Variants in C2CD5 observed in about 807,000 individuals in gnomAD.
C2CD5 encodes the protein C2 domain-containing protein 5.
A neutral mutation model predicts 130.3 loss-of-function variants in C2CD5; 109 were observed. That is an observed-to-expected ratio of 0.84 (90% CI 0.72 to 0.98). C2CD5 has a LOEUF of 0.98. Among genes scored for constraint, C2CD5 ranks in the 50% least tolerant of loss-of-function variants. C2CD5 has a pLI of 0.00. For missense variants in C2CD5, 996 were observed against 1,261.8 expected, an observed-to-expected ratio of 0.79 and a Z score of 3.19; for synonymous variants, 454 against 429.2, an observed-to-expected ratio of 1.06 and a Z score of -0.71.
At chr12:22,505,575 C>T (rs1185146265) in intron 10 of C2CD5, among the ~76,000 whole-genome samples, 1 of 152,038 alleles carries the variant, frequency 6.6e-6, no homozygotes, top group Non-Finnish European at 1.5e-5. Context: ...AATAAGAATA[C>T]TAATATAACT....
In C2CD5 at chr12:22,472,827, CTATTT is replaced by C. The variant is rs1943244717; in HGVS notation, c.2044-25_2044-21del. The C allele has an allele frequency of 7.4e-7, 1 of 1,350,560 alleles. No individual in the cohort carries two copies. The highest frequency in any genetic ancestry group is 1.7e-5 in the Admixed American group (1 of 59,468). The allele number at this position is 1,350,560 out of a possible 1,614,324, so 83.7% of individuals were successfully genotyped here. ...ATCAATCTTAAAATAGAGATTAAAA[CTATTT>C]TATAAGTAGTAAATGCATAATTATT... On this transcript the variant is annotated intron_variant, in intron 16 of 26. Transcript: ENST00000446597.
intron 20 of C2CD5, 134 bp from the exon 21 acceptor site, chr12:22,471,045 G>A (rs1026078024): frequency 1.1e-5 from 7 of 621,142 alleles, no homozygotes; most frequent in Non-Finnish European, 2.0e-5. Context: ...CCAGAATTAT[G>A]TATAAATTCA....
chr12:22,460,075 G>C (rs1940800043), intron 22 of C2CD5, among the ~76,000 whole-genome samples: 1 of 152,124 alleles, frequency 6.6e-6, no homozygotes, highest in South Asian at 2.1e-4. Flanking sequence ...CCCTCTGGTG[G>C]TATCAAGACT....
At chr12:22,503,737 CCT>C (rs1411934172) in intron 10 of C2CD5, among the ~76,000 whole-genome samples, 10 of 152,104 alleles carry the variant, frequency 6.6e-5, no homozygotes, top group African/African-American at 2.4e-4. Context: ...GTCTCAAACC[CCT>C]GAGCTCATGC....
At chr12:22,541,809 A>C (rs928997963) in intron 2 of C2CD5, among the ~76,000 whole-genome samples, 3 of 152,088 alleles carry the variant, frequency 2.0e-5, no homozygotes, top group Admixed American at 1.3e-4. Flanking sequence ...TTAATAATTT[A>C]TTTACCTTTT....
chr12:22,472,815 T>C lies in C2CD5; in HGVS notation c.2044-8A>G, dbSNP rs374251200. 2.6e-5 allele frequency: 39 copies of C among 1,473,094 alleles called. No homozygotes were observed. Among genetic ancestry groups the C allele is most frequent in the Admixed American group, 3.3e-5 (2 of 59,716 alleles). 91.3% of individuals were successfully genotyped at this position (1,473,094 alleles called of 1,614,324 possible). On this transcript the variant is annotated splice_region_variant and splice_polypyrimidine_tract_variant and intron_variant, in intron 16 of 26. Coordinates refer to ENST00000446597, the MANE Select transcript of C2CD5 (RefSeq NM_001286176.2). ...GGCATCTGTGTCATCAATCTTAAAA[T>C]AGAGATTAAAACTATTTTATAAGTA...
intron 11 of C2CD5, 21 bp from the exon 12 acceptor site, chr12:22,490,239 A>T: frequency 6.6e-7 from 1 of 1,525,746 alleles, no homozygotes; most frequent in Non-Finnish European, 9.1e-7. Context: ...AAAAACACAA[A>T]CAAGTTAACA....
chr12:22,450,689 C>G (rs1938392178), intron 26 of C2CD5, among the ~76,000 whole-genome samples: 1 of 152,048 alleles, frequency 6.6e-6, no homozygotes, highest in South Asian at 2.1e-4. Context: ...TTTGACCTAG[C>G]AATTCTGTTT....
rs537702824 is a variant in C2CD5 at position 22,496,530 on chromosome 12, A to G, written c.1148-3193T>C. 3.9e-4 allele frequency among the ~76,000 whole-genome samples: 60 copies of G among 152,054 alleles called. No individual in the cohort carries two copies. In the South Asian group the frequency reaches 0.012, roughly 32 times the overall value. On this transcript the variant is annotated intron_variant, in intron 10 of 26. Coordinates refer to ENST00000446597, the MANE Select transcript of C2CD5 (RefSeq NM_001286176.2). The stretch of plus-strand genomic sequence containing the variant: ...TGTGAGGTCATTTAATAAACATTAA[A>G]TAAACATTTCAAAGATGTTAAGAAA...
At chr12:22,506,183 AGG>A (rs1948512451) in intron 10 of C2CD5, among the ~76,000 whole-genome samples, 3 of 152,102 alleles carry the variant, frequency 2.0e-5, no homozygotes, top group Admixed American at 2.0e-4. Flanking sequence ...GTGTTTACAT[AGG>A]TCTTGTTGTG....
intron 9 of C2CD5, chr12:22,512,720 G>A: frequency 4.3e-6 from 6 of 1,399,126 alleles, no homozygotes; most frequent in Non-Finnish European, 4.8e-6. Flanking sequence ...AAGAGAGAGA[G>A]AGAAATCATC....
At chr12:22,477,599 C>G (rs1300798265) in intron 15 of C2CD5, among the ~76,000 whole-genome samples, 1 of 151,996 alleles carries the variant, frequency 6.6e-6, no homozygotes, top group African/African-American at 2.4e-5. Context: ...GAATGTTATA[C>G]TTTCCTTTTG....
chr12:22,517,542 G>A (rs1220906953), intron 8 of C2CD5, among the ~76,000 whole-genome samples: 1 of 151,986 alleles, frequency 6.6e-6, no homozygotes, highest in Non-Finnish European at 1.5e-5. Context: ...ATAGATAGAT[G>A]TACTCTAATA....
chr12:22,514,440 C>G lies in C2CD5; in HGVS notation c.953-1061G>C, dbSNP rs540490091. 8.8e-4 allele frequency among the ~76,000 whole-genome samples: 134 copies of G among 151,828 alleles called. 1 individual carries two copies. The highest frequency in any genetic ancestry group is 3.2e-3 in the African/African-American group (133 of 41,382). On this transcript the variant is annotated intron_variant, in intron 8 of 26. Transcript: ENST00000446597. ...TAGAAATGAAACTAAGATCTTTATA[C>G]GAAGCATATTAAAAGCCAGAAAATA...
chr12:22,496,228 A>G (rs551394101), intron 10 of C2CD5, among the ~76,000 whole-genome samples: 4 of 152,270 alleles, frequency 2.6e-5, no homozygotes, highest in Non-Finnish European at 4.4e-5. Context: ...CTATCCTATT[A>G]CCAATAAAAA....
rs181532947 is a variant in C2CD5 at position 22,517,996 on chromosome 12, T to G, written c.942A>C (p.Thr314=). Residue 314 remains threonine (T), a synonymous_variant, in exon 8 of 27, where the codon ACA becomes ACC. Coordinates refer to ENST00000446597, the MANE Select transcript of C2CD5 (RefSeq NM_001286176.2). Reference sequence around the variant, plus strand: ...GTGGAAGCGCCTTACCAGTTTTGGGTGTCAAACTCAAATCTGTGTCAGAAG... The same window carrying G: ...GTGGAAGCGCCTTACCAGTTTTGGGGGTCAAACTCAAATCTGTGTCAGAAG... ...SSSSDTDLSL[T]PKTGMGSGSA... 1.8e-4 allele frequency: 294 copies of G among 1,612,780 alleles called. No homozygotes were observed. The highest frequency in any genetic ancestry group is 2.8e-4 in the Admixed American group (17 of 59,828).
chr12:22,474,812 C>G lies in C2CD5; in HGVS notation c.1982G>C (p.Ser661Thr). The stretch of plus-strand genomic sequence containing the variant: ...GTCTAATTCTGTAACTTCATCCGAG[C>G]TTTCTGATTGAGATCTTAGAAGTCT... ...RSRLLRSQSE[S>T]SDEVTELDLS... The change falls in exon 16 of 27, where the codon AGC (serine) becomes ACC (threonine). Residue 661 changes from serine (S) to threonine (T), a missense_variant. Physicochemically the swap from Ser to Thr is moderately conservative, Grantham distance 58 (BLOSUM62 1). Transcript: ENST00000446597. 1 of 1,610,454 alleles carries G rather than the reference C, an allele frequency of 6.2e-7. No individual in the cohort carries two copies. Among genetic ancestry groups the G allele is most frequent in the Non-Finnish European group, 8.5e-7 (1 of 1,177,898 alleles).
At position 22,525,675 on chromosome 12, in the gene C2CD5, T is replaced by C; in HGVS notation, c.380A>G (p.Lys127Arg). Residue 127 changes from lysine to arginine, a missense_variant, in exon 5 of 27, where the codon AAA (lysine) becomes AGA (arginine). Around this residue, in one of 9 missense-constraint regions of C2CD5, gnomAD observed 49 missense variants for 52.0 expected, o/e 0.94. Coordinates refer to ENST00000446597, the MANE Select transcript of C2CD5 (RefSeq NM_001286176.2). The stretch of plus-strand genomic sequence containing the variant: ...ATTTAAATCATTGAAGAGGTCTACT[T>C]TGACAACTACATTGATTTCCCCACG... ...GIRGEINVVV[K>R]VDLFNDLNRF... 6.3e-7 allele frequency: 1 copy of C among 1,583,736 alleles called. No individual in the cohort carries two copies. Among genetic ancestry groups the C allele is most frequent in the Non-Finnish European group, 8.7e-7 (1 of 1,152,810 alleles).
Position 22,449,703 on chromosome 12 carries a change from CAAAAT to C in C2CD5, c.*52_*56del. 6.8e-7 allele frequency: 1 copy of C among 1,462,918 alleles called. No homozygotes were observed. Among genetic ancestry groups the C allele is most frequent in the Non-Finnish European group, 9.4e-7 (1 of 1,060,958 alleles). 90.6% of individuals were successfully genotyped at this position (1,462,918 alleles called of 1,614,324 possible). A position where few individuals can be genotyped will look rare whatever the true frequency, so the allele number is the denominator to read the frequency against. ...TTAAGTCTAAGAAGATAATTAATGA[CAAAAT>C]AACAGAGATTGATGAATTTCATTTA... On this transcript the variant is annotated 3_prime_UTR_variant, in exon 27 of 27. Coordinates refer to ENST00000446597, the MANE Select transcript of C2CD5 (RefSeq NM_001286176.2).
Sources: allele counts gnomAD v4.1 joint callset (sites outside exome capture counted in the v4.1 genomes callset), GRCh38; gene constraint gnomAD v4.1.1; regional missense constraint gnomAD v4.1.1; transcripts MANE v1.5; gene names NCBI Gene and HGNC (gene_info 2026-07-23, HGNC 2026-07-21).